Variants in ANGPT2 observed in about 807,000 individuals in gnomAD.
ANGPT2 encodes the protein angiopoietin-2.
A neutral mutation model predicts 62.9 loss-of-function variants in ANGPT2; 28 were observed. The observed-to-expected ratio is 0.44, with a 90% CI of 0.33 to 0.61. ANGPT2 has a LOEUF of 0.61. Ranked by LOEUF, ANGPT2 falls within the 20% of genes least tolerant of loss-of-function variation. The pLI, the probability that ANGPT2 is intolerant of heterozygous loss-of-function variation, is 0.03. For missense variants in ANGPT2, 727 were observed against 594.9 expected (o/e 1.22, Z -2.31); for synonymous variants, 284 against 207.8 (o/e 1.37, Z -3.15).
At position 6,532,369 on chromosome 8, in the gene ANGPT2, G is replaced by C; in HGVS notation, c.407C>G (p.Ala136Gly). The C allele has an allele frequency of 1.9e-6, 3 of 1,613,988 alleles. No individual in the cohort carries two copies. The highest frequency in any genetic ancestry group is 2.5e-6 in the Non-Finnish European group (3 of 1,179,992). ...ATCAGTTAACTTCCGCGTTTGCTCC[G>C]CTGTTTGGTTCAACAGGTTTGTCCC... The part of the protein sequence containing the change: ...EIGTNLLNQT[A>G]EQTRKLTDVE... Residue 136 changes from alanine (A) to glycine (G), a missense_variant, in exon 2 of 9, where the codon GCG becomes GGG. By Grantham distance (60) the Ala-to-Gly change is moderately conservative (BLOSUM62 0). Coordinates refer to ENST00000629816, the MANE Select transcript of ANGPT2 (RefSeq NM_001118887.2).
intron 7 of ANGPT2, among the ~76,000 whole-genome samples, chr8:6,512,834 A>C (rs910696125): frequency 6.6e-6 from 1 of 152,220 alleles, no homozygotes. Flanking sequence ...CACCCAGGGA[A>C]TGCTGTGAAT....
chr8:6,519,649 A>G (rs970368725), intron 5 of ANGPT2, among the ~76,000 whole-genome samples: 1 of 152,242 alleles, frequency 6.6e-6, no homozygotes, highest in Non-Finnish European at 1.5e-5. Context: ...ACATTTCTAC[A>G]TCATTCATAT....
At chr8:6,537,402 G>A (rs1820701062) in intron 1 of ANGPT2, among the ~76,000 whole-genome samples, 1 of 151,980 alleles carries the variant, frequency 6.6e-6, no homozygotes, top group East Asian at 1.9e-4. Context: ...GTTTAACATT[G>A]AGGGCCACAG....
chr8:6,507,103 G>C (rs1182183372), intron 8 of ANGPT2, among the ~76,000 whole-genome samples: 1 of 152,046 alleles, frequency 6.6e-6, no homozygotes. Context: ...TTGCCATGTT[G>C]GCCAGGCTGG....
Position 6,499,641 on chromosome 8 carries a change from A to G in ANGPT2, c.*3460T>C, listed in dbSNP as rs1300579110. 1.9e-6 allele frequency: 1 copy of G among 517,126 alleles called. No individual in the cohort carries two copies. Among genetic ancestry groups the G allele is most frequent in the Non-Finnish European group, 3.5e-6 (1 of 288,368 alleles). 32.0% of individuals were successfully genotyped at this position (517,126 alleles called of 1,614,324 possible). On this transcript the variant is annotated 3_prime_UTR_variant, in exon 9 of 9. Coordinates refer to ENST00000629816, the MANE Select transcript of ANGPT2 (RefSeq NM_001118887.2). ...AGAATAATGACTCAGATTTCTTGTTATCGTGAGACTTTTTCTCAATCAACT... is the reference window on the plus strand; with the variant it reads ...AGAATAATGACTCAGATTTCTTGTTGTCGTGAGACTTTTTCTCAATCAACT...
rs1424217913 is a variant in ANGPT2, at chr8:6,500,888, A to T, written c.*2213T>A. Reference sequence around the variant, plus strand: ...AATTTTTTATCACCTGCCTACAAAGAGAATTGATATAAATTGTGTTGTTGC... The same window carrying T: ...AATTTTTTATCACCTGCCTACAAAGTGAATTGATATAAATTGTGTTGTTGC... On this transcript the variant is annotated 3_prime_UTR_variant, in exon 9 of 9. Coordinates refer to ENST00000629816, the MANE Select transcript of ANGPT2 (RefSeq NM_001118887.2). The T allele has an allele frequency of 6.6e-6, 1 of 152,212 alleles. No homozygotes were observed. The highest frequency in any genetic ancestry group is 2.4e-5 in the African/African-American group (1 of 41,456). 9.4% of individuals were successfully genotyped at this position (152,212 alleles called of 1,614,324 possible).
chr8:6,536,158 G>C (rs1034867473), intron 1 of ANGPT2, among the ~76,000 whole-genome samples: 1 of 152,146 alleles, frequency 6.6e-6, no homozygotes, highest in African/African-American at 2.4e-5. Flanking sequence ...GTGACAGTCA[G>C]GTACTCTTTA....
chr8:6,513,335 C>CTTT (rs1189719867), intron 7 of ANGPT2, among the ~76,000 whole-genome samples: 2 of 143,228 alleles, frequency 1.4e-5, no homozygotes, highest in Non-Finnish European at 3.1e-5. Flanking sequence ...TTTTCTTTTT[C>CTTT]TTTTTTTTTT....
At chr8:6,547,023 G>A (rs1206386732) in intron 1 of ANGPT2, among the ~76,000 whole-genome samples, 1 of 152,076 alleles carries the variant, frequency 6.6e-6, no homozygotes, top group Non-Finnish European at 1.5e-5. Flanking sequence ...CGGAAGAAGC[G>A]TTCTCAGAGC....
rs1812471248 is a variant in ANGPT2 at position 6,502,903 on chromosome 8, C to G, written c.*198G>C. 5.1e-6 allele frequency: 3 copies of G among 589,316 alleles called. No individual in the cohort carries two copies. The highest frequency in any genetic ancestry group is 3.2e-5 in the Admixed American group (1 of 30,862). 36.5% of individuals were successfully genotyped at this position (589,316 alleles called of 1,614,324 possible). On this transcript the variant is annotated 3_prime_UTR_variant, in exon 9 of 9. Transcript: ENST00000629816. Reference sequence around the variant, plus strand: ...AATCACAATTATGGATGTTTAGGGTCTTGCTTTGGTCCGTTAAGTGATGCA... The same window carrying G: ...AATCACAATTATGGATGTTTAGGGTGTTGCTTTGGTCCGTTAAGTGATGCA...
intron 1 of ANGPT2, among the ~76,000 whole-genome samples, chr8:6,536,865 G>T (rs991777246): frequency 8.7e-5 from 13 of 149,956 alleles, no homozygotes; most frequent in Non-Finnish European, 1.5e-4. Context: ...ATGTCTTTCT[G>T]TTTAGTGTCT....
At chr8:6,517,767 C>T (rs1481808714) in intron 5 of ANGPT2, among the ~76,000 whole-genome samples, 1 of 152,174 alleles carries the variant, frequency 6.6e-6, no homozygotes, top group African/African-American at 2.4e-5. Flanking sequence ...TTAAATGACT[C>T]GCCCAGAGCC....
At chr8:6,551,609 C>A (rs1259453443) in intron 1 of ANGPT2, among the ~76,000 whole-genome samples, 2 of 152,114 alleles carry the variant, frequency 1.3e-5, no homozygotes, top group Non-Finnish European at 2.9e-5. Flanking sequence ...CTGTTAAGAA[C>A]ATGTCACTGG....
At chr8:6,559,404 C>G (rs181365953) in intron 1 of ANGPT2, among the ~76,000 whole-genome samples, 8 of 152,144 alleles carry the variant, frequency 5.3e-5, no homozygotes, top group African/African-American at 1.9e-4. Context: ...AGTAGTAGCT[C>G]TCATATATTA....
intron 1 of ANGPT2, among the ~76,000 whole-genome samples, chr8:6,555,625 G>T (rs1824469111): frequency 1.3e-5 from 2 of 152,012 alleles, no homozygotes; most frequent in African/African-American, 4.8e-5. Flanking sequence ...CCACGCCTGG[G>T]TGATTTTTAT....
intron 1 of ANGPT2, among the ~76,000 whole-genome samples, chr8:6,544,928 A>G (rs1453802196): frequency 6.6e-6 from 1 of 152,216 alleles, no homozygotes; most frequent in Non-Finnish European, 1.5e-5. Context: ...TTTTGTTCTC[A>G]CAATGGAATT....
chr8:6,526,611 G>GTTTTC (rs1563347253), intron 3 of ANGPT2, among the ~76,000 whole-genome samples: 1 of 152,016 alleles, frequency 6.6e-6, no homozygotes. Flanking sequence ...CTTAAACTTG[G>GTTTTC]TATCCAAAGG....
chr8:6,542,289 G>C (rs1049086225), intron 1 of ANGPT2, among the ~76,000 whole-genome samples: 2 of 150,272 alleles, frequency 1.3e-5, no homozygotes. Context: ...ATGTGAGGTA[G>C]GGGTGTGTGT....
At chr8:6,553,379 T>G (rs938790245) in intron 1 of ANGPT2, among the ~76,000 whole-genome samples, 1 of 152,186 alleles carries the variant, frequency 6.6e-6, no homozygotes, top group Non-Finnish European at 1.5e-5. Flanking sequence ...TAGCCAGCCC[T>G]CACTAGGGTC....
Sources: gnomAD v4.1 joint callset for allele counts (sites outside exome capture counted in the v4.1 genomes callset) on GRCh38, gnomAD v4.1.1 for gene constraint, MANE v1.5 for transcripts, NCBI Gene and HGNC (gene_info 2026-07-23, HGNC 2026-07-21) for gene names.